RUFY4: variants seen among roughly 807,000 people sequenced by gnomAD.
RUFY4 encodes RUN and FYVE domain-containing protein 4.
Under a neutral mutation model 69.0 loss-of-function variants are expected in RUFY4, and 73 were observed. That is an observed-to-expected ratio of 1.06 (90% confidence interval 0.88 to 1.29). RUFY4 has a LOEUF of 1.29. Ranked by LOEUF, RUFY4 falls within the 50% of genes most tolerant of loss-of-function variation. The probability of loss-of-function intolerance (pLI) is 0.00; values close to 1 mark genes in which losing one functional copy is unlikely to be tolerated. For missense variants in RUFY4, 770 were observed against 705.6 expected, an observed-to-expected ratio of 1.09 and a Z score of -1.03; for synonymous variants, 287 against 271.8, an observed-to-expected ratio of 1.06 and a Z score of -0.55.
chr2:218,053,293 TA>T (rs1274940709), intron 2 of RUFY4, among the ~76,000 whole-genome samples: 1 of 152,152 alleles, frequency 6.6e-6, no homozygotes, highest in Non-Finnish European at 1.5e-5. Flanking sequence ...GAGGCTTATT[TA>T]ATATGTTTAA....
chr2:218,069,779 C>T (rs1372692483), upstream of RUFY4, among the ~76,000 whole-genome samples: 1 of 152,124 alleles, frequency 6.6e-6, no homozygotes, highest in South Asian at 2.1e-4. Context: ...GGCAGGACAC[C>T]TGGGTTTTCC....
At chr2:218,078,181 G>C (rs573107097) in intron 8 of RUFY4, among the ~76,000 whole-genome samples, 1 of 152,328 alleles carries the variant, frequency 6.6e-6, no homozygotes, top group East Asian at 1.9e-4. Flanking sequence ...AAAGTACCTA[G>C]GATATCAGAT....
intron 3 of RUFY4, chr2:218,060,653 C>A (rs1183498261): frequency 1.5e-6 from 2 of 1,350,246 alleles, no homozygotes; most frequent in Non-Finnish European, 2.1e-6. Flanking sequence ...AAAATGAGGA[C>A]AACAGCAAAG....
rs548110091 is a variant in RUFY4 at position 218,076,071 on chromosome 2, G to A, written c.1248+331G>A. On this transcript the variant is annotated intron_variant, in intron 7 of 10. Coordinates refer to ENST00000344321, the Ensembl canonical transcript of RUFY4. ...CAGTTCCATATCCTCATGATGGTAAGTCTCTTCCCGAAATCTAAGTTCTAC... is the reference window on the plus strand; with the variant it reads ...CAGTTCCATATCCTCATGATGGTAAATCTCTTCCCGAAATCTAAGTTCTAC... Among the ~76,000 whole-genome samples, 11 of 152,292 alleles carry A rather than the reference G, an allele frequency of 7.2e-5. No homozygotes were observed. The South Asian group carries it at 2.3e-3, about 32-fold the overall frequency.
chr2:218,073,539 T>C (rs1689548046), intron 5 of RUFY4, among the ~76,000 whole-genome samples, 153 bp downstream of exon 7: 1 of 152,138 alleles, frequency 6.6e-6, no homozygotes, highest in Non-Finnish European at 1.5e-5. Context: ...CCCTCGATGC[T>C]CCCAGTGCAA....
chr2:218,083,867 TAGGGAGG>T (rs1559438263), intron 9 of RUFY4, among the ~76,000 whole-genome samples: 1 of 146,628 alleles, frequency 6.8e-6, no homozygotes, highest in Non-Finnish European at 1.5e-5. Context: ...CTACTAAGGT[TAGGGAGG>T]AGAAAGGAAC....
intron 3 of RUFY4, among the ~76,000 whole-genome samples, chr2:218,062,002 G>A (rs559916706): frequency 5.9e-5 from 9 of 152,302 alleles, no homozygotes; most frequent in East Asian, 3.9e-4. Context: ...TGGAAGGCTC[G>A]AGATAGAAGA....
chr2:218,075,051 T>A (rs1245374018), intron 6 of RUFY4, 42 bp from the exon 9 acceptor site: 2 of 1,471,946 alleles, frequency 1.4e-6, no homozygotes, highest in Non-Finnish European at 1.8e-6. Context: ...GGTCAGTGAA[T>A]TGGTGCTGAG....
At chr2:218,056,631 T>A (rs141855929) in intron 2 of RUFY4, among the ~76,000 whole-genome samples, 1 of 152,320 alleles carries the variant, frequency 6.6e-6, no homozygotes, top group East Asian at 1.9e-4. Context: ...ATTACAGTTA[T>A]CTTGTCACAT....
At chr2:218,069,079 C>T (rs1315496940), upstream of RUFY4, 1 of 152,368 alleles carries the variant, frequency 6.6e-6, no homozygotes, top group Non-Finnish European at 1.5e-5. Context: ...CAACAGGTGA[C>T]TCTACCCCAG....
At chr2:218,079,176 C>A (rs1466511761) in intron 8 of RUFY4, among the ~76,000 whole-genome samples, 1 of 152,106 alleles carries the variant, frequency 6.6e-6, no homozygotes, top group East Asian at 1.9e-4. Flanking sequence ...GCTTGATGTG[C>A]GTTTTAAAGG....
intron 9 of RUFY4, among the ~76,000 whole-genome samples, chr2:218,084,554 T>C (rs1417008906): frequency 2.0e-5 from 3 of 151,910 alleles, no homozygotes; most frequent in Non-Finnish European, 4.4e-5. Flanking sequence ...AATATCCAAA[T>C]GGTATTAAGG....
upstream of RUFY4, among the ~76,000 whole-genome samples, chr2:218,064,685 C>A (rs866153878): frequency 1.1e-4 from 17 of 152,220 alleles, no homozygotes; most frequent in Middle Eastern, 0.01. Context: ...AGAGAGGGTG[C>A]TCCCCCTACA....
At chr2:218,055,289 G>T (rs570554906) in intron 2 of RUFY4, among the ~76,000 whole-genome samples, 25 of 152,202 alleles carry the variant, frequency 1.6e-4, no homozygotes, top group African/African-American at 6.0e-4. Context: ...CAGCTACACG[G>T]GAGGCTGAGA....
Position 218,070,660 on chromosome 2 carries a change from G to A in RUFY4, c.46+9G>A. On this transcript the variant is annotated intron_variant, in intron 1 of 10. Transcript: ENST00000344321. ...CACCAAAGACCTAAGAGGTGAGTGT[G>A]TCCTGAGAGATGCTCTGGGACTGAG... is the stretch of plus-strand genomic sequence containing the variant. 6.5e-7 allele frequency: 1 copy of A among 1,537,326 alleles called. No individual in the cohort carries two copies. Among genetic ancestry groups the A allele is most frequent in the South Asian group, 1.2e-5 (1 of 84,064 alleles).
At chr2:218,089,552 G>A in intron 10 of RUFY4, 190 bp downstream of exon 12, 1 of 644,180 alleles carries the variant, frequency 1.6e-6, no homozygotes, top group Non-Finnish European at 2.8e-6. Flanking sequence ...AAGAGCAGAA[G>A]GATCAGATAA....
chr2:218,070,938 G>A (rs1689471296), intron 2 of RUFY4, 79 bp downstream of exon 4: 1 of 1,089,984 alleles, frequency 9.2e-7, no homozygotes, highest in Non-Finnish European at 1.3e-6. Flanking sequence ...AAATCAGGGA[G>A]GAGCCACAGC....
At chr2:218,055,806 T>C (rs1396468840) in intron 2 of RUFY4, among the ~76,000 whole-genome samples, 1 of 152,210 alleles carries the variant, frequency 6.6e-6, no homozygotes, top group Non-Finnish European at 1.5e-5. Context: ...TCAGAGATAT[T>C]TGAACTACAA....
At chr2:218,037,422 T>C (rs4674240) in intron 2 of RUFY4, among the ~76,000 whole-genome samples, 1 of 152,152 alleles carries the variant, frequency 6.6e-6, no homozygotes, top group South Asian at 2.1e-4. Flanking sequence ...TCTCTCTACA[T>C]TCACTCTCAT....
Sources: allele counts gnomAD v4.1 joint callset (sites outside exome capture counted in the v4.1 genomes callset), GRCh38; gene constraint gnomAD v4.1.1; transcripts MANE v1.5; gene names NCBI Gene and HGNC (gene_info 2026-07-23, HGNC 2026-07-21).